RDX: variants seen among roughly 807,000 people sequenced by gnomAD.
RDX encodes deafness, autosomal recessive 24.
A neutral mutation model predicts 83.7 loss-of-function variants in RDX; 32 were observed. The observed-to-expected ratio is 0.38, with a 90% confidence interval of 0.29 to 0.51. The LOEUF (loss-of-function observed/expected upper bound fraction) is 0.51, where lower values mean the gene tolerates loss of function less well. RDX is among the 20% of genes least tolerant of loss of function. The probability of loss-of-function intolerance (pLI) is 0.87; values close to 1 mark genes in which losing one functional copy is unlikely to be tolerated. For missense variants in RDX, 600 were observed against 689.9 expected, an observed-to-expected ratio of 0.87 and a Z score of 1.46; for synonymous variants, 229 against 222.7, an observed-to-expected ratio of 1.03 and a Z score of -0.25.
At chr11:110,288,010 G>C (rs1861055952) in intron 1 of RDX, among the ~76,000 whole-genome samples, 1 of 152,198 alleles carries the variant, frequency 6.6e-6, no homozygotes. Context: ...AGCAGGTCAA[G>C]AGACTACCTC....
intron 1 of RDX, among the ~76,000 whole-genome samples, chr11:110,289,667 G>A (rs577029554): frequency 9.2e-5 from 14 of 152,074 alleles, no homozygotes; most frequent in African/African-American, 2.9e-4. Flanking sequence ...CAGAAATCTC[G>A]GCACTTTGGG....
At chr11:110,210,865 G>T (rs1863808263) in intron 14 of RDX, among the ~76,000 whole-genome samples, 1 of 152,058 alleles carries the variant, frequency 6.6e-6, no homozygotes, top group Non-Finnish European at 1.5e-5. Context: ...GGAACAACCA[G>T]TACCAGCCAT....
intron 7 of RDX, 104 bp downstream of exon 7, chr11:110,257,659 TAGTA>T (rs1859598055): frequency 1.1e-5 from 12 of 1,127,380 alleles, no homozygotes; most frequent in African/African-American, 1.5e-5. Context: ...AGTTTGAAAA[TAGTA>T]AGGGTAATCA....
At chr11:110,292,097 A>G (rs1257409666) in intron 1 of RDX, among the ~76,000 whole-genome samples, 1 of 152,184 alleles carries the variant, frequency 6.6e-6, no homozygotes, top group Non-Finnish European at 1.5e-5. Context: ...GTTTGAGACC[A>G]GCCTGGCCAA....
rs530445238 is a variant in RDX at position 110,293,891 on chromosome 11, T to C, written c.-65+2576A>G. Among the ~76,000 whole-genome samples the C allele has an allele frequency of 3.9e-5, 6 of 152,348 alleles. 1 individual carries two copies. In the South Asian group the frequency reaches 6.2e-4, roughly 16 times the overall value. On this transcript the variant is annotated intron_variant, in intron 1 of 13. Coordinates refer to ENST00000645495, the MANE Select transcript of RDX (RefSeq NM_002906.4). The stretch of plus-strand genomic sequence containing the variant: ...GCCTACAGGAAATATTGGTTAAAAT[T>C]TGACCCCGTTTTTAAACATTAGTAG...
chr11:110,181,657 G>C (rs975749784), intron 15 of RDX: 1 of 152,518 alleles, frequency 6.6e-6, no homozygotes, highest in Non-Finnish European at 1.5e-5. Flanking sequence ...GGCTTTGAAG[G>C]GTGGTCCCAG....
intron 15 of RDX, among the ~76,000 whole-genome samples, chr11:110,198,616 G>A (rs1403687439): frequency 2.0e-5 from 3 of 152,220 alleles, no homozygotes; most frequent in South Asian, 4.1e-4. Context: ...CACGTTGCAC[G>A]CTCCTTTATG....
At position 110,237,475 on chromosome 11, in the gene RDX, A is replaced by C; in HGVS notation, c.1251+17T>G. ...GCTTTTATTTAAACTTTTTTCTCTAAGAAGACAGTTCCTTACTAGCTGCTC... is the reference window on the plus strand; with the variant it reads ...GCTTTTATTTAAACTTTTTTCTCTACGAAGACAGTTCCTTACTAGCTGCTC... On this transcript the variant is annotated intron_variant, in intron 11 of 13. Coordinates refer to ENST00000645495, the MANE Select transcript of RDX (RefSeq NM_002906.4). The C allele has an allele frequency of 1.2e-6, 2 of 1,611,230 alleles. No individual in the cohort carries two copies. The highest frequency in any genetic ancestry group is 1.1e-5 in the South Asian group (1 of 90,914).
chr11:110,296,023 A>T (rs1861441305), intron 1 of RDX, among the ~76,000 whole-genome samples: 1 of 152,252 alleles, frequency 6.6e-6, no homozygotes, highest in African/African-American at 2.4e-5. Flanking sequence ...ATCGAATTCT[A>T]CCTACGCTGA....
downstream of RDX, among the ~76,000 whole-genome samples, chr11:110,224,958 A>C (rs901429635): frequency 2.0e-5 from 3 of 152,162 alleles, no homozygotes; most frequent in Non-Finnish European, 4.4e-5. Context: ...GTGCCTTCCC[A>C]AAGCTACCAG....
At chr11:110,199,169 T>G (rs1427286055) in intron 15 of RDX, among the ~76,000 whole-genome samples, 5 of 152,158 alleles carry the variant, frequency 3.3e-5, no homozygotes, top group Non-Finnish European at 1.5e-5. Flanking sequence ...AGAAGTGTCA[T>G]AAGAGAACTT....
At chr11:110,199,573 G>A (rs745812377) in intron 15 of RDX, 8 of 702,880 alleles carry the variant, frequency 1.1e-5, no homozygotes, top group South Asian at 3.0e-5. Context: ...GCTGCCAGTT[G>A]TACTTACCTA....
At chr11:110,283,217 G>A (rs1279330057) in intron 1 of RDX, among the ~76,000 whole-genome samples, 1 of 151,920 alleles carries the variant, frequency 6.6e-6, no homozygotes, top group East Asian at 1.9e-4. Flanking sequence ...GCAGTGGCGC[G>A]ATCTTGGCTC....
At chr11:110,286,623 G>C (rs1427895589) in intron 1 of RDX, among the ~76,000 whole-genome samples, 1 of 152,160 alleles carries the variant, frequency 6.6e-6, no homozygotes, top group Non-Finnish European at 1.5e-5. Flanking sequence ...TTTTCCCTAA[G>C]CCTAATTTTA....
At chr11:110,224,310 G>A (rs1220666495) in intron 14 of RDX, among the ~76,000 whole-genome samples, 1 of 151,932 alleles carries the variant, frequency 6.6e-6, no homozygotes, top group Non-Finnish European at 1.5e-5. Context: ...AAAGAAGTCT[G>A]ATAAACTATT....
Position 110,284,320 on chromosome 11 carries a change from A to G in RDX, c.-64-4564T>C, listed in dbSNP as rs543309427. On this transcript the variant is annotated intron_variant, in intron 1 of 13. Transcript: ENST00000645495. Reference sequence around the variant, plus strand: ...TCTGTATCAAGATATTCACAGCAGCATTCTTTACAATAGCCAATGATTACA... The same window carrying G: ...TCTGTATCAAGATATTCACAGCAGCGTTCTTTACAATAGCCAATGATTACA... Among the ~76,000 whole-genome samples, 31 of 152,350 alleles carry G rather than the reference A, an allele frequency of 2.0e-4. No homozygotes were observed. The East Asian group carries it at 4.4e-3, about 22-fold the overall frequency.
At chr11:110,244,130 T>C (rs1865208248) in intron 10 of RDX, among the ~76,000 whole-genome samples, 1 of 151,828 alleles carries the variant, frequency 6.6e-6, no homozygotes, top group Non-Finnish European at 1.5e-5. Flanking sequence ...AACAAATAAA[T>C]AAAATATACC....
At chr11:110,181,446 G>A (rs556910227) in intron 15 of RDX, among the ~76,000 whole-genome samples, 8 of 152,088 alleles carry the variant, frequency 5.3e-5, no homozygotes, top group South Asian at 2.1e-4. Context: ...GCAGGCGTGA[G>A]CCACCGCGCC....
chr11:110,290,296 G>A (rs1019256936), intron 1 of RDX, among the ~76,000 whole-genome samples: 5 of 152,022 alleles, frequency 3.3e-5, no homozygotes, highest in Non-Finnish European at 5.9e-5. Flanking sequence ...AGGCTGAGGC[G>A]GGAGGATCAC....
Sources: gnomAD v4.1 joint callset for allele counts (sites outside exome capture counted in the v4.1 genomes callset) on GRCh38, gnomAD v4.1.1 for gene constraint, MANE v1.5 for transcripts, NCBI Gene and HGNC (gene_info 2026-07-23, HGNC 2026-07-21) for gene names.